Variants in PIWIL1 observed in about 807,000 individuals in gnomAD.
PIWIL1 encodes the protein piwi-like protein 1.
A neutral mutation model predicts 114.4 loss-of-function variants in PIWIL1; 73 were observed. The ratio of observed to expected loss-of-function variants is 0.64; its 90% CI spans 0.53 to 0.78. The LOEUF is 0.78. PIWIL1 is among the 30% of genes least tolerant of loss of function. PIWIL1 has a pLI of 0.00. For synonymous variants in PIWIL1, 375 were observed against 369.0 expected, an observed-to-expected ratio of 1.02 and a Z score of -0.19; for missense variants, 723 against 1,063.1, an observed-to-expected ratio of 0.68 and a Z score of 4.45.
In PIWIL1 at chr12:130,363,067, C is replaced by T. The variant is rs781168048; in HGVS notation, c.2118C>T (p.Asp706=). 26 of 1,614,064 alleles carry T rather than the reference C, an allele frequency of 1.6e-5. No homozygotes were observed. Among genetic ancestry groups the T allele is most frequent in the East Asian group, 6.7e-5 (3 of 44,894 alleles). The change falls in exon 18 of 21, where the codon GAC becomes GAT. Residue 706 remains aspartate (D), a synonymous_variant. Transcript: ENST00000245255. ...TCGTGTACCGCGATGGCGTAGGAGA[C>T]GGCCAGCTGAAAACACTGGTGAACT... The part of the protein sequence containing the change: ...RIIVYRDGVG[D]GQLKTLVNYE...
chr12:130,353,718 G>A (rs1405702019), intron 9 of PIWIL1, among the ~76,000 whole-genome samples: 3 of 152,084 alleles, frequency 2.0e-5, no homozygotes, highest in Non-Finnish European at 4.4e-5. Context: ...CCTGAGGTCA[G>A]GAATTGGAGA....
the PIWIL1 span, among the ~76,000 whole-genome samples, chr12:130,401,104 A>C: frequency 6.6e-6 from 1 of 152,054 alleles, no homozygotes; most frequent in Non-Finnish European, 1.5e-5. Flanking sequence ...ATATACTTAA[A>C]AATGATTTTA....
chr12:130,412,224 C>G, the PIWIL1 span, among the ~76,000 whole-genome samples: 227 of 152,252 alleles, frequency 1.5e-3, no homozygotes, highest in African/African-American at 4.9e-3. Context: ...CAAAGGTCAC[C>G]TAAAGAATGA....
intron 9 of PIWIL1, chr12:130,351,788 T>A (rs1215836338): frequency 1.3e-5 from 2 of 152,242 alleles, no homozygotes; most frequent in Non-Finnish European, 2.9e-5. Context: ...GCATCTCCTG[T>A]CCAGGCCCTA....
rs1318467811 is a variant in PIWIL1, at chr12:130,345,923, C to T, written c.316+45C>T. ...GTTTTGTGAGATTACATCTCAGGAA[C>T]ACAGGACAGTGAATTGAGGCACTTT... On this transcript the variant is annotated intron_variant, in intron 4 of 20. Transcript: ENST00000245255. 5.0e-6 allele frequency: 8 copies of T among 1,599,768 alleles called. No individual in the cohort carries two copies. In the African/African-American group the frequency reaches 1.1e-4, roughly 21 times the overall value.
At chr12:130,357,263 G>A (rs1230797155) in intron 13 of PIWIL1, among the ~76,000 whole-genome samples, 158 bp downstream of exon 13, 1 of 152,088 alleles carries the variant, frequency 6.6e-6, no homozygotes, top group Admixed American at 6.6e-5. Context: ...AACTAAGAAT[G>A]GGTGGGAGAA....
At chr12:130,378,360 A>G in the PIWIL1 span, among the ~76,000 whole-genome samples, 3 of 152,184 alleles carry the variant, frequency 2.0e-5, no homozygotes, top group African/African-American at 7.2e-5. Context: ...CCATTTGTTT[A>G]TTCATCATCA....
At chr12:130,420,181 C>T in the PIWIL1 span, among the ~76,000 whole-genome samples, 1 of 152,312 alleles carries the variant, frequency 6.6e-6, no homozygotes, top group African/African-American at 2.4e-5. This position sits in a 1 kb window ranked among gnomAD's most constrained non-coding sequence, Gnocchi z 4.3. Flanking sequence ...GCCGAGTCCT[C>T]CTCCTCCTCA....
chr12:130,340,627 G>A (rs1384800681), intron 1 of PIWIL1, among the ~76,000 whole-genome samples: 2 of 94,746 alleles, frequency 2.1e-5, no homozygotes, highest in African/African-American at 4.0e-5. Flanking sequence ...GTTGGTGGTG[G>A]TGGTTGGGGG....
At position 130,355,619 on chromosome 12, in the gene PIWIL1, C is replaced by T. The variant is rs1398881105; in HGVS notation, c.1356C>T (p.Phe452=). Reference sequence around the variant, plus strand: ...GCTTTGATTCCAACTTACTGTCCTTCTCAGGAAGAATTTTGCAAACAGAAA... The same window carrying T: ...GCTTTGATTCCAACTTACTGTCCTTTTCAGGAAGAATTTTGCAAACAGAAA... The part of the protein sequence containing the change: ...GLSFDSNLLS[F]SGRILQTEKI... Residue 452 remains phenylalanine (F), a synonymous_variant, in exon 12 of 21, where the codon TTC becomes TTT. Coordinates refer to ENST00000245255, the MANE Select transcript of PIWIL1 (RefSeq NM_004764.5). 6.8e-6 allele frequency: 11 copies of T among 1,614,006 alleles called. No individual in the cohort carries two copies. The South Asian group carries it at 8.8e-5, about 13-fold the overall frequency.
At chr12:130,361,409 T>C (rs1248970906) in intron 15 of PIWIL1, 29 bp downstream of exon 15, 1 of 1,612,054 alleles carries the variant, frequency 6.2e-7, no homozygotes, top group East Asian at 2.2e-5. Context: ...GTAGATGCCG[T>C]TTTAAAATTG....
At chr12:130,372,976 CTCAAG>C (rs2073840051), downstream of PIWIL1, among the ~76,000 whole-genome samples, 1 of 152,192 alleles carries the variant, frequency 6.6e-6, no homozygotes, top group South Asian at 2.1e-4. Flanking sequence ...ACGCAGATCA[CTCAAG>C]TCATTTGTCT....
At chr12:130,414,868 A>G in the PIWIL1 span, among the ~76,000 whole-genome samples, 27 of 152,360 alleles carry the variant, frequency 1.8e-4, no homozygotes, top group African/African-American at 5.8e-4. Context: ...GGAAATGGAT[A>G]CATTCCTAGA....
intron 14 of PIWIL1, among the ~76,000 whole-genome samples, chr12:130,358,885 C>T (rs780307455): frequency 2.0e-5 from 3 of 152,136 alleles, no homozygotes; most frequent in East Asian, 3.9e-4. Context: ...GCATGTTGTA[C>T]GACTATGGCC....
chr12:130,369,284 A>G (rs2073754632), intron 19 of PIWIL1, among the ~76,000 whole-genome samples: 2 of 152,054 alleles, frequency 1.3e-5, no homozygotes, highest in African/African-American at 4.8e-5. Flanking sequence ...CATTTTCTTT[A>G]TCTGGTCTCT....
downstream of PIWIL1, among the ~76,000 whole-genome samples, chr12:130,376,178 A>G (rs1057143380): frequency 4.6e-5 from 7 of 152,108 alleles, no homozygotes; most frequent in Admixed American, 2.0e-4. Context: ...GTCCAACACA[A>G]TGCTGCTCAG....
intron 11 of PIWIL1, among the ~76,000 whole-genome samples, 176 bp from the exon 12 acceptor site, chr12:130,355,377 C>G (rs530907117): frequency 3.7e-4 from 57 of 152,236 alleles, no homozygotes; most frequent in African/African-American, 1.3e-3. Flanking sequence ...TGAAGAGAAG[C>G]CTGAAGGTGA....
At chr12:130,404,339 C>G in the PIWIL1 span, among the ~76,000 whole-genome samples, 1 of 152,128 alleles carries the variant, frequency 6.6e-6, no homozygotes, top group Admixed American at 6.5e-5. Context: ...TCACTGTCAC[C>G]CAGGCTGGAG....
At chr12:130,418,244 T>C in the PIWIL1 span, among the ~76,000 whole-genome samples, 1 of 152,254 alleles carries the variant, frequency 6.6e-6, no homozygotes, top group Non-Finnish European at 1.5e-5. Context: ...TGTCAGTAAT[T>C]TCTGCCAGGG....
Sources: gnomAD v4.1 joint callset for allele counts (sites outside exome capture counted in the v4.1 genomes callset) on GRCh38, gnomAD v4.1.1 for gene constraint, Gnocchi (gnomAD v3.1) non-coding constraint, MANE v1.5 for transcripts, NCBI Gene and HGNC (gene_info 2026-07-23, HGNC 2026-07-21) for gene names.